Variants in NBR1 observed in about 807,000 individuals in gnomAD.
The protein encoded by NBR1 is NBR1 autophagy cargo receptor, also known as next to BRCA1 gene 1 protein.
NBR1 carries 59 observed loss-of-function variants against 115.5 expected under a neutral mutation model. That is an observed-to-expected ratio of 0.51 (90% confidence interval 0.41 to 0.63). The LOEUF (loss-of-function observed/expected upper bound fraction) is 0.63. NBR1 is among the 30% of genes least tolerant of loss of function. The pLI, the probability that NBR1 is intolerant of heterozygous loss-of-function variation, is 0.00. For synonymous variants in NBR1, 373 were observed against 414.7 expected (o/e 0.90, Z 1.22); for missense variants, 1,043 against 1,150.5 (o/e 0.91, Z 1.35).
At position 43,209,988 on chromosome 17, in the gene NBR1, C is replaced by T. The variant is rs535115403; in HGVS notation, c.2815C>T (p.Leu939=). The change falls in exon 21 of 21, where the codon CTG becomes TTG. Residue 939 remains leucine (L), a synonymous_variant. Coordinates refer to ENST00000590996, the MANE Select transcript of NBR1 (RefSeq NM_005899.5). ...FCDRQLNLRL[L]KKHNYNILQV... ...TGACAGGCAGCTGAACCTACGGCTG[C>T]TGAAGAAACACAATTACAATATCCT... 8.1e-6 allele frequency: 13 copies of T among 1,612,686 alleles called. No individual in the cohort carries two copies. Among genetic ancestry groups the T allele is most frequent in the South Asian group, 3.3e-5 (3 of 90,990 alleles).
chr17:43,198,924 C>T (rs900342588), intron 16 of NBR1, among the ~76,000 whole-genome samples: 2 of 152,130 alleles, frequency 1.3e-5, no homozygotes, highest in African/African-American at 2.4e-5. Context: ...GATCATGCTA[C>T]TGCACTTCAG....
chr17:43,191,192 G>A (rs906080808), intron 9 of NBR1, among the ~76,000 whole-genome samples, 180 bp from the exon 10 acceptor site: 3 of 152,076 alleles, frequency 2.0e-5, no homozygotes, highest in African/African-American at 7.2e-5. Flanking sequence ...AATATGAGGT[G>A]GAAGGGAGCC....
At chr17:43,178,322 A>C (rs942384859) in intron 3 of NBR1, among the ~76,000 whole-genome samples, 11 of 150,484 alleles carry the variant, frequency 7.3e-5, no homozygotes, top group Non-Finnish European at 1.3e-4. Flanking sequence ...TGCTGGGATT[A>C]TAGGTGTGAG....
chr17:43,186,351 T>C lies in NBR1; in HGVS notation c.309T>C (p.Ala103=). The change falls in exon 6 of 21, where the codon GCT becomes GCC. Residue 103 remains alanine, a synonymous_variant. Transcript: ENST00000590996. ...CAGTTGTAGGAGCAAAACGACTAGC[T>C]GCCAGGGCAGGGAAGAAGCCACTTG... The part of the protein sequence containing the change: ...PPPVVGAKRL[A]ARAGKKPLAH... 1.9e-6 allele frequency: 3 copies of C among 1,600,618 alleles called. No individual in the cohort carries two copies. The highest frequency in any genetic ancestry group is 2.6e-6 in the Non-Finnish European group (3 of 1,173,676).
intron 4 of NBR1, among the ~76,000 whole-genome samples, chr17:43,180,108 AATTTTT>A (rs1169691688): frequency 3.9e-5 from 6 of 152,180 alleles, no homozygotes; most frequent in East Asian, 3.8e-4. Context: ...ACATTTAACA[AATTTTT>A]ATTGTATATA....
rs2056993848 is a variant in NBR1 at position 43,193,408 on chromosome 17, C to T, written c.1294C>T (p.Pro432Ser). ...CACAGAAAAGAAGGATGTTTTGGTTCCCTGCCTCAAGGCCGGCCATGTGGG... is the reference window on the plus strand; with the variant it reads ...CACAGAAAAGAAGGATGTTTTGGTTTCCTGCCTCAAGGCCGGCCATGTGGG... ...ASTEKKDVLV[P>S]CLKAGHVGVV... The change falls in exon 12 of 21, where the codon CCC becomes TCC. Residue 432 changes from proline (P) to serine (S), a missense_variant. Physicochemically the swap from Pro to Ser is moderately conservative, Grantham distance 74. Coordinates refer to ENST00000590996, the MANE Select transcript of NBR1 (RefSeq NM_005899.5). The T allele has an allele frequency of 1.9e-6, 3 of 1,613,858 alleles. No homozygotes were observed. Among genetic ancestry groups the T allele is most frequent in the Non-Finnish European group, 1.7e-6 (2 of 1,179,888 alleles).
In NBR1 at chr17:43,182,654, A is replaced by C. The variant is rs558344410; in HGVS notation, c.207+1837A>C. The stretch of plus-strand genomic sequence containing the variant: ...TAAAAATTTGTATGTTTAAATATAA[A>C]AATGTGTATAAAATGTGATGTTTTG... On this transcript the variant is annotated intron_variant, in intron 5 of 20. Transcript: ENST00000590996. 5.7e-4 allele frequency among the ~76,000 whole-genome samples: 86 copies of C among 152,028 alleles called. 2 individuals carry two copies. Among genetic ancestry groups the C allele is most frequent in the African/African-American group, 2.1e-3 (86 of 41,282 alleles).
chr17:43,189,670 T>C lies in NBR1; in HGVS notation c.563T>C (p.Leu188Ser). ...AAGCTTGTCCTCCAGAACCCATCCT[T>C]GGGTTCTTGTCCCTCAGAAGTCTCA... ...HEKLVLQNPSLGSCPSEVSMP... is the reference protein window; with the variant it reads ...HEKLVLQNPSSGSCPSEVSMP... The change falls in exon 8 of 21, where the codon TTG becomes TCG. Residue 188 changes from leucine (L) to serine (S), a missense_variant. By Grantham distance (145) the Leu-to-Ser change is moderately radical (BLOSUM62 -2). Coordinates refer to ENST00000590996, the MANE Select transcript of NBR1 (RefSeq NM_005899.5). The C allele has an allele frequency of 6.2e-7, 1 of 1,614,006 alleles. No individual in the cohort carries two copies.
At chr17:43,204,994 A>C (rs2057286768) in intron 20 of NBR1, among the ~76,000 whole-genome samples, 1 of 151,948 alleles carries the variant, frequency 6.6e-6, no homozygotes, top group African/African-American at 2.4e-5. Context: ...ACAACAAAAA[A>C]GACACTGAGT....
chr17:43,194,804 A>T (rs1011848579), intron 13 of NBR1, 160 bp from the exon 14 acceptor site: 1 of 647,440 alleles, frequency 1.5e-6, no homozygotes, highest in Non-Finnish European at 2.7e-6. Context: ...TTATTTCAAC[A>T]TCTAATTCCC....
At chr17:43,198,571 GA>G (rs1309166411) in intron 16 of NBR1, among the ~76,000 whole-genome samples, 2 of 151,922 alleles carry the variant, frequency 1.3e-5, no homozygotes, top group Admixed American at 6.6e-5. Flanking sequence ...AGAACTGCTT[GA>G]ACCCGGGAAG....
At position 43,203,729 on chromosome 17, in the gene NBR1, G is replaced by T. The variant is rs528738004; in HGVS notation, c.2670G>T (p.Leu890Phe). 12 of 1,610,318 alleles carry T rather than the reference G, an allele frequency of 7.5e-6. 1 individual carries two copies. In the South Asian group the frequency reaches 1.2e-4, roughly 16 times the overall value. Residue 890 changes from leucine (L) to phenylalanine (F), a missense_variant, in exon 20 of 21, where the codon TTG becomes TTT. Transcript: ENST00000590996. ...CTGGAGGACTGGTGAAGGGGGCTTT[G>T]TCTGTTGCTGCCTCTGCATACAAGG... The part of the protein sequence containing the change: ...SIAGGLVKGA[L>F]SVAASAYKAL...
At chr17:43,177,262 G>C (rs1159479738) in intron 2 of NBR1, among the ~76,000 whole-genome samples, 3 of 121,304 alleles carry the variant, frequency 2.5e-5, no homozygotes, top group East Asian at 2.5e-4. Flanking sequence ...GACAGAGTGA[G>C]ACCCATCTCA....
chr17:43,187,555 C>G (rs931834228), intron 6 of NBR1, among the ~76,000 whole-genome samples: 1 of 122,090 alleles, frequency 8.2e-6, no homozygotes, highest in Non-Finnish European at 1.6e-5. Flanking sequence ...TTCGCCCTGG[C>G]TGGAGTACAG....
chr17:43,172,088 CTT>C (rs1260084688), intron 1 of NBR1, among the ~76,000 whole-genome samples: 2 of 152,254 alleles, frequency 1.3e-5, no homozygotes, highest in African/African-American at 4.8e-5. Flanking sequence ...GAAAAGCTAA[CTT>C]GTGCCAAGCA....
intron 20 of NBR1, chr17:43,209,685 C>A (rs2057381122): frequency 6.5e-7 from 1 of 1,535,312 alleles, no homozygotes; most frequent in Admixed American, 2.0e-5. Context: ...TCTCCTCCTT[C>A]AAGTACACAG....
chr17:43,195,665 A>T (rs1312704408), intron 14 of NBR1: 1 of 152,420 alleles, frequency 6.6e-6, no homozygotes, highest in African/African-American at 2.4e-5. Context: ...AAAAAAAAAA[A>T]AAAAAATTAG....
rs778591817 is a variant in NBR1, at chr17:43,194,214, CTG to C, written c.1525-134_1525-133del. 284 of 825,702 alleles carry C rather than the reference CTG, an allele frequency of 3.4e-4. 1 individual carries two copies. The highest frequency in any genetic ancestry group is 9.8e-4 in the Admixed American group (32 of 32,736). The allele number at this position is 825,702 out of a possible 1,614,324, so 51.1% of individuals were successfully genotyped here. On this transcript the variant is annotated intron_variant, in intron 12 of 20. Coordinates refer to ENST00000590996, the MANE Select transcript of NBR1 (RefSeq NM_005899.5). ...GCTGTTTTTACAACTTTTTCTATAA[CTG>C]TAAAAATATATCAAAAACATTGTTT...
chr17:43,207,852 C>G (rs1005376386), intron 20 of NBR1, among the ~76,000 whole-genome samples: 1 of 152,142 alleles, frequency 6.6e-6, no homozygotes, highest in Admixed American at 6.5e-5. Context: ...GGCAAGCCAA[C>G]GGTATCCATC....
Sources: gnomAD v4.1 joint callset for allele counts (sites outside exome capture counted in the v4.1 genomes callset) on GRCh38, gnomAD v4.1.1 for gene constraint, MANE v1.5 for transcripts, NCBI Gene and HGNC (gene_info 2026-07-23, HGNC 2026-07-21) for gene names.